The following EEF1E1 variants were observed in gnomAD, a reference collection of about 807,000 sequenced individuals.
EEF1E1 encodes the protein eukaryotic translation elongation factor 1 epsilon-1.
EEF1E1 carries 19 observed loss-of-function variants against 19.9 expected under a neutral mutation model. The observed-to-expected ratio is 0.95, with a 90% CI of 0.66 to 1.40. EEF1E1 has a LOEUF of 1.40. Ranked by LOEUF, EEF1E1 falls within the 40% of genes most tolerant of loss-of-function variation. The probability of loss-of-function intolerance (pLI) is 0.00; values close to 1 mark genes in which losing one functional copy is unlikely to be tolerated. For synonymous variants in EEF1E1, 81 were observed against 80.0 expected, an observed-to-expected ratio of 1.01 and a Z score of -0.07; for missense variants, 198 against 202.2, an observed-to-expected ratio of 0.98 and a Z score of 0.13.
rs890205908 is a variant in EEF1E1 at position 8,079,563 on chromosome 6, A to G, written c.*327T>C. Reference sequence around the variant, plus strand: ...TGAAAGAGAGGTTAATAAATAGCCAAATATGTCAACCATTGAAATGACCAC... The same window carrying G: ...TGAAAGAGAGGTTAATAAATAGCCAGATATGTCAACCATTGAAATGACCAC... On this transcript the variant is annotated 3_prime_UTR_variant, in exon 4 of 4. Transcript: ENST00000379715. 9.8e-7 allele frequency: 1 copy of G among 1,025,486 alleles called. No homozygotes were observed. The allele number at this position is 1,025,486 out of a possible 1,614,324, so 63.5% of individuals were successfully genotyped here.
At chr6:8,099,338 C>T (rs370392136) in intron 1 of EEF1E1, among the ~76,000 whole-genome samples, 4 of 152,320 alleles carry the variant, frequency 2.6e-5, no homozygotes, top group East Asian at 3.9e-4. Context: ...CATTGTGTTA[C>T]AACTGCCTAC....
At chr6:8,076,926 ATT>A (rs750029678), downstream of EEF1E1, among the ~76,000 whole-genome samples, 13 of 142,672 alleles carry the variant, frequency 9.1e-5, no homozygotes, top group East Asian at 2.8e-3. Context: ...ATGTAGCATG[ATT>A]TTTTTTGTTT....
intron 3 of EEF1E1, among the ~76,000 whole-genome samples, chr6:8,087,557 T>A (rs1312271991): frequency 6.6e-6 from 1 of 152,206 alleles, no homozygotes; most frequent in Admixed American, 6.5e-5. Flanking sequence ...TTCGCCATGT[T>A]GGCCAGGCTG....
At chr6:8,076,550 C>T (rs1380901184), downstream of EEF1E1, among the ~76,000 whole-genome samples, 6 of 152,230 alleles carry the variant, frequency 3.9e-5, no homozygotes, top group East Asian at 9.7e-4. Context: ...GTCTAAATCT[C>T]CTGACCTCGT....
At position 8,079,831 on chromosome 6, in the gene EEF1E1, AG is replaced by A; in HGVS notation, c.*58del. ...TTAATTTACATTAGTCCTGTGGTCT[AG>A]AGTACATTTTCCATTTAAAACATTT... On this transcript the variant is annotated 3_prime_UTR_variant, in exon 4 of 4. Transcript: ENST00000379715. 6.4e-7 allele frequency: 1 copy of A among 1,570,396 alleles called. No individual in the cohort carries two copies. Among genetic ancestry groups the A allele is most frequent in the Non-Finnish European group, 8.7e-7 (1 of 1,155,854 alleles).
chr6:8,102,535 C>G lies in EEF1E1; in HGVS notation c.-14G>C, dbSNP rs1758397615. 1 of 1,608,608 alleles carries G rather than the reference C, an allele frequency of 6.2e-7. No homozygotes were observed. The highest frequency in any genetic ancestry group is 1.7e-5 in the Admixed American group (1 of 59,974). ...GGCCGCCGCCATCTTCCGGCCGTAG[C>G]TCCTGGCAGACGCGAGACCTGCAGA... On this transcript the variant is annotated 5_prime_UTR_variant, in exon 1 of 4. Transcript: ENST00000379715.
downstream of EEF1E1, chr6:8,078,454 TA>T (rs562549891): frequency 2.1e-5 from 5 of 238,404 alleles, no homozygotes; most frequent in Non-Finnish European, 4.1e-5. Flanking sequence ...ACAGATCAGT[TA>T]ACAGAGAGAG....
At chr6:8,090,349 C>T (rs1757983643) in intron 2 of EEF1E1, 68 bp from the exon 3 acceptor site, 1 of 1,150,362 alleles carries the variant, frequency 8.7e-7, no homozygotes, top group Non-Finnish European at 1.1e-6. Context: ...ATTATCATAT[C>T]ATGACTTAAA....
intron 1 of EEF1E1, among the ~76,000 whole-genome samples, chr6:8,099,208 GA>G (rs1241678763): frequency 2.0e-5 from 3 of 152,212 alleles, no homozygotes; most frequent in African/African-American, 7.2e-5. Flanking sequence ...AATGCATAAT[GA>G]TATTCTGGTC....
chr6:8,097,170 G>A (rs1561645016), intron 2 of EEF1E1, 97 bp downstream of exon 2: 1 of 1,197,598 alleles, frequency 8.4e-7, no homozygotes, highest in Non-Finnish European at 1.2e-6. Context: ...AAGGAAAGAG[G>A]TGAAGAAGGC....
downstream of EEF1E1, among the ~76,000 whole-genome samples, chr6:8,077,042 C>G (rs959214001): frequency 6.0e-5 from 9 of 150,704 alleles, no homozygotes; most frequent in Non-Finnish European, 8.8e-5. Flanking sequence ...CTCCCGGGTT[C>G]ACGCCATTCT....
At chr6:8,085,017 G>A (rs144438625) in intron 3 of EEF1E1, among the ~76,000 whole-genome samples, 1 of 152,110 alleles carries the variant, frequency 6.6e-6, no homozygotes, top group Non-Finnish European at 1.5e-5. Context: ...ATAAAAGAAG[G>A]TGGTAATCAA....
chr6:8,096,527 A>G (rs562205444), intron 2 of EEF1E1, among the ~76,000 whole-genome samples: 14 of 152,360 alleles, frequency 9.2e-5, no homozygotes, highest in African/African-American at 3.1e-4. Flanking sequence ...TTTCTTGTAC[A>G]ACTTACATTG....
intron 3 of EEF1E1, among the ~76,000 whole-genome samples, chr6:8,088,316 A>C (rs1561883993): frequency 6.6e-6 from 1 of 152,184 alleles, no homozygotes; most frequent in African/African-American, 2.4e-5. Context: ...GGCAGAGAGG[A>C]GATTCAGGTA....
chr6:8,095,873 C>T (rs781697518), intron 2 of EEF1E1, among the ~76,000 whole-genome samples: 1 of 152,334 alleles, frequency 6.6e-6, no homozygotes, highest in South Asian at 2.1e-4. Context: ...TATGTACAAT[C>T]GGTCTCACCC....
downstream of EEF1E1, among the ~76,000 whole-genome samples, chr6:8,076,645 G>A (rs111353353): frequency 1.8e-3 from 275 of 152,246 alleles, 3 homozygotes; most frequent in African/African-American, 6.3e-3. Flanking sequence ...TTCTTAAGTA[G>A]TAAGACTTGA....
intron 2 of EEF1E1, among the ~76,000 whole-genome samples, chr6:8,091,509 TTTGA>T (rs1353657910): frequency 3.9e-5 from 6 of 152,228 alleles, no homozygotes; most frequent in African/African-American, 9.6e-5. Flanking sequence ...TGTTGTCTCC[TTTGA>T]TTGTGTCCAG....
At chr6:8,076,843 G>A (rs1219158025), downstream of EEF1E1, among the ~76,000 whole-genome samples, 3 of 152,080 alleles carry the variant, frequency 2.0e-5, no homozygotes, top group African/African-American at 7.2e-5. Context: ...GTCGGCTTCA[G>A]TAAACCATAC....
At chr6:8,086,059 A>G (rs554269324) in intron 3 of EEF1E1, among the ~76,000 whole-genome samples, 50 of 152,230 alleles carry the variant, frequency 3.3e-4, no homozygotes, top group Non-Finnish European at 1.8e-4. Flanking sequence ...TAAATTAAGG[A>G]TCATTCTAAG....
Sources: allele counts gnomAD v4.1 joint callset (sites outside exome capture counted in the v4.1 genomes callset), GRCh38; gene constraint gnomAD v4.1.1; transcripts MANE v1.5; gene names NCBI Gene and HGNC (gene_info 2026-07-23, HGNC 2026-07-21).